NOVA1: variants seen among roughly 807,000 people sequenced by gnomAD.
NOVA1 encodes RNA-binding protein Nova-1.
In NOVA1, 7 loss-of-function variants were observed where a neutral mutation model predicts 38.0. The ratio of observed to expected loss-of-function variants is 0.18; its 90% CI spans 0.10 to 0.35. NOVA1 has a LOEUF of 0.35. Ranked by LOEUF, NOVA1 falls within the 10% of genes least tolerant of loss-of-function variation. The pLI, the probability that NOVA1 is intolerant of heterozygous loss-of-function variation, is 1.00. For missense variants in NOVA1, 460 were observed against 616.0 expected, an observed-to-expected ratio of 0.75 and a Z score of 2.68; for synonymous variants, 270 against 232.5, an observed-to-expected ratio of 1.16 and a Z score of -1.47.
intron 2 of NOVA1, among the ~76,000 whole-genome samples, chr14:26,494,913 T>C (rs1292072917): frequency 6.6e-6 from 1 of 152,214 alleles, no homozygotes; most frequent in Non-Finnish European, 1.5e-5. Flanking sequence ...GTTTAAAAAC[T>C]TAACGGCTTC....
At chr14:26,576,617 A>G (rs910026335) in intron 2 of NOVA1, among the ~76,000 whole-genome samples, 1 of 151,754 alleles carries the variant, frequency 6.6e-6, no homozygotes, top group African/African-American at 2.4e-5. Context: ...GTGTATATAT[A>G]TATACACATA....
intron 2 of NOVA1, among the ~76,000 whole-genome samples, chr14:26,505,155 A>T (rs1443769798): frequency 1.3e-5 from 2 of 152,202 alleles, no homozygotes; most frequent in African/African-American, 4.8e-5. Context: ...TATGTAAAGG[A>T]AGCAACATGA....
At chr14:26,566,300 A>G (rs1034277212) in intron 2 of NOVA1, among the ~76,000 whole-genome samples, 1 of 152,148 alleles carries the variant, frequency 6.6e-6, no homozygotes, top group Non-Finnish European at 1.5e-5. Flanking sequence ...ATTTATTGTC[A>G]TCAAAATAAT....
chr14:26,590,796 T>C (rs183402135), intron 2 of NOVA1, among the ~76,000 whole-genome samples: 1 of 151,906 alleles, frequency 6.6e-6, no homozygotes, highest in African/African-American at 2.4e-5. Flanking sequence ...ATATATTTCA[T>C]TACAGTGACA....
chr14:26,576,223 T>C (rs866870174), intron 2 of NOVA1, among the ~76,000 whole-genome samples: 20 of 151,940 alleles, frequency 1.3e-4, no homozygotes, highest in African/African-American at 4.3e-4. Flanking sequence ...CTAAGAATGA[T>C]AGATTTTATT....
chr14:26,543,477 T>G (rs564626391), intron 2 of NOVA1, among the ~76,000 whole-genome samples: 1 of 151,892 alleles, frequency 6.6e-6, no homozygotes, highest in Non-Finnish European at 1.5e-5. Flanking sequence ...CATCTATAAG[T>G]AATATAATAA....
At position 26,586,807 on chromosome 14, in the gene NOVA1, T is replaced by G. The variant is rs140148924; in HGVS notation, c.280+8603A>C. 2.0e-5 allele frequency among the ~76,000 whole-genome samples: 3 copies of G among 151,226 alleles called. No homozygotes were observed. In the East Asian group the frequency reaches 5.8e-4, roughly 29 times the overall value. On this transcript the variant is annotated intron_variant, in intron 2 of 4. Coordinates refer to ENST00000539517, the MANE Select transcript of NOVA1 (RefSeq NM_002515.3). Reference sequence around the variant, plus strand: ...TATGATATCCTTTTCTAAAAGAAATTTGTTAATGACCAAAGAGCATCCTGC... The same window carrying G: ...TATGATATCCTTTTCTAAAAGAAATGTGTTAATGACCAAAGAGCATCCTGC...
rs186784907 is a variant in NOVA1, at chr14:26,523,435, C to T, written c.281-43292G>A. 5.2e-3 allele frequency among the ~76,000 whole-genome samples: 797 copies of T among 152,304 alleles called. 8 individuals carry two copies. The highest frequency in any genetic ancestry group is 0.038 in the Middle Eastern group (11 of 292). Reference sequence around the variant, plus strand: ...ACATTAGAAGCTCACATTCTCTTCTCTTCTTGTTTTGACATGATGAATATG... The same window carrying T: ...ACATTAGAAGCTCACATTCTCTTCTTTTCTTGTTTTGACATGATGAATATG... On this transcript the variant is annotated intron_variant, in intron 2 of 4. Coordinates refer to ENST00000539517, the MANE Select transcript of NOVA1 (RefSeq NM_002515.3).
At chr14:26,584,885 T>C (rs552080421) in intron 2 of NOVA1, among the ~76,000 whole-genome samples, 7 of 151,374 alleles carry the variant, frequency 4.6e-5, no homozygotes, top group African/African-American at 7.3e-5. Flanking sequence ...CTGGTATCCA[T>C]CTAAGATTTT....
Position 26,574,277 on chromosome 14 carries a change from CCCCG to C in NOVA1, c.280+21129_280+21132del, listed in dbSNP as rs1293845410. Among the ~76,000 whole-genome samples the C allele has an allele frequency of 4.7e-3, 463 of 98,938 alleles. 11 individuals carry two copies. The highest frequency in any genetic ancestry group is 0.022 in the East Asian group (53 of 2,424). 64.9% of individuals were successfully genotyped at this position (98,938 alleles called of 152,430 possible). ...CTGACCTCGTGATCCACCCCCCCCC[CCCCG>C]CCCCCTCGGCCTCCCAAAGTGCTGG... On this transcript the variant is annotated intron_variant, in intron 2 of 4. Coordinates refer to ENST00000539517, the MANE Select transcript of NOVA1 (RefSeq NM_002515.3).
At position 26,448,047 on chromosome 14, in the gene NOVA1, G is replaced by T. The variant is rs772513489; in HGVS notation, c.1436C>A (p.Ala479Asp). The T allele has an allele frequency of 1.2e-6, 2 of 1,614,202 alleles. No individual in the cohort carries two copies. The highest frequency in any genetic ancestry group is 8.5e-7 in the Non-Finnish European group (1 of 1,180,032). ...TAAATATTGAGCAGCCTGTGTTGCA[G>T]CTGGTGTTCCAGTAATGGTTACCTT... The part of the protein sequence containing the change: ...NRKVTITGTP[A>D]ATQAAQYLIT... The change falls in exon 5 of 5, where the codon GCT becomes GAT. Residue 479 changes from alanine to aspartate, a missense_variant. By Grantham distance (126) the Ala-to-Asp change is moderately radical (BLOSUM62 -2). Coordinates refer to ENST00000539517, the MANE Select transcript of NOVA1 (RefSeq NM_002515.3). The surrounding 1 kb of genome is among the most constrained non-coding windows in gnomAD (Gnocchi z 5.3).
In NOVA1 at chr14:26,575,800, A is replaced by C. The variant is rs565690752; in HGVS notation, c.280+19610T>G. Reference sequence around the variant, plus strand: ...ATAATTATTTCAAATATTTTATTAAATCTATAACAACTCATTTTTTCTGCT... The same window carrying C: ...ATAATTATTTCAAATATTTTATTAACTCTATAACAACTCATTTTTTCTGCT... On this transcript the variant is annotated intron_variant, in intron 2 of 4. Coordinates refer to ENST00000539517, the MANE Select transcript of NOVA1 (RefSeq NM_002515.3). Among the ~76,000 whole-genome samples the C allele has an allele frequency of 2.6e-5, 4 of 152,136 alleles. No homozygotes were observed. The East Asian group carries it at 5.8e-4, about 22-fold the overall frequency.
rs568984639 is a variant in NOVA1, at chr14:26,524,723, AT to A, written c.281-44581del. ...ATGTGAAGGAGTCAATGATGTGAAGATTTTCTCTTTAATGTGGTTTTCCATA... is the reference window on the plus strand; with the variant it reads ...ATGTGAAGGAGTCAATGATGTGAAGATTTCTCTTTAATGTGGTTTTCCATA... On this transcript the variant is annotated intron_variant, in intron 2 of 4. Coordinates refer to ENST00000539517, the MANE Select transcript of NOVA1 (RefSeq NM_002515.3). Among the ~76,000 whole-genome samples, 1,092 of 152,260 alleles carry A rather than the reference AT, an allele frequency of 7.2e-3. 8 individuals carry two copies. Among genetic ancestry groups the A allele is most frequent in the Non-Finnish European group, 0.012 (839 of 68,026 alleles).
chr14:26,591,233 C>A (rs1454304673), intron 2 of NOVA1, among the ~76,000 whole-genome samples: 1 of 151,572 alleles, frequency 6.6e-6, no homozygotes, highest in Non-Finnish European at 1.5e-5. Flanking sequence ...TCTCCTTCAA[C>A]TGTAGATATA....
chr14:26,536,764 A>C (rs1890129172), intron 2 of NOVA1, among the ~76,000 whole-genome samples: 1 of 152,164 alleles, frequency 6.6e-6, no homozygotes, highest in Non-Finnish European at 1.5e-5. Context: ...TACTATGTAA[A>C]AATTTTTTAA....
intron 2 of NOVA1, among the ~76,000 whole-genome samples, chr14:26,571,493 A>G (rs1892469100): frequency 6.6e-6 from 1 of 152,222 alleles, no homozygotes; most frequent in African/African-American, 2.4e-5. Flanking sequence ...ACAATGACGC[A>G]GTTACCTCTA....
At chr14:26,519,765 G>C (rs1888738497) in intron 2 of NOVA1, among the ~76,000 whole-genome samples, 2 of 152,034 alleles carry the variant, frequency 1.3e-5, no homozygotes, top group South Asian at 4.1e-4. Flanking sequence ...AAAGCTGCAT[G>C]ACTTTGAGAG....
chr14:26,516,358 T>C (rs1421307207), intron 2 of NOVA1, among the ~76,000 whole-genome samples: 1 of 152,154 alleles, frequency 6.6e-6, no homozygotes, highest in Non-Finnish European at 1.5e-5. Context: ...AGTTCTGGAT[T>C]TTCATGTGGC....
At chr14:26,534,617 A>G (rs766423980) in intron 2 of NOVA1, among the ~76,000 whole-genome samples, 1 of 152,168 alleles carries the variant, frequency 6.6e-6, no homozygotes, top group African/African-American at 2.4e-5. Context: ...TATAAAATTA[A>G]TAATTATTCT....
Sources: gnomAD v4.1 joint callset for allele counts (sites outside exome capture counted in the v4.1 genomes callset) on GRCh38, gnomAD v4.1.1 for gene constraint, Gnocchi (gnomAD v3.1) non-coding constraint, MANE v1.5 for transcripts, NCBI Gene and HGNC (gene_info 2026-07-23, HGNC 2026-07-21) for gene names.